The following PSMA1 variants were observed in gnomAD, a reference collection of about 807,000 sequenced individuals.
The protein encoded by PSMA1 is proteasome subunit alpha type-1.
PSMA1 carries 3 observed loss-of-function variants against 38.4 expected under a neutral mutation model. That is an observed-to-expected ratio of 0.08 (90% CI 0.04 to 0.20). PSMA1 has a LOEUF of 0.20. Ranked by LOEUF, PSMA1 falls within the 10% of genes least tolerant of loss-of-function variation. The pLI is 1.00. For synonymous variants in PSMA1, 101 were observed against 107.1 expected (o/e 0.94, Z 0.35); for missense variants, 227 against 325.3 (o/e 0.70, Z 2.32).
chr11:14,629,827 A>C (rs1022378481), intron 1 of PSMA1, among the ~76,000 whole-genome samples: 1 of 151,764 alleles, frequency 6.6e-6, no homozygotes, highest in African/African-American at 2.4e-5. Context: ...ATTTGTTTGT[A>C]TCCTCTTTTA....
intron 1 of PSMA1, among the ~76,000 whole-genome samples, chr11:14,638,558 TATATATATATATATATATATA>T (rs1853148336): frequency 8.5e-5 from 1 of 11,702 alleles, no homozygotes; most frequent in Non-Finnish European, 1.8e-4. Flanking sequence ...TATATATATA[TATATATATATATATATATATA>T]TATATATTTT....
intron 2 of PSMA1, among the ~76,000 whole-genome samples, chr11:14,605,750 T>C (rs1053270970): frequency 2.0e-5 from 3 of 152,262 alleles, no homozygotes; most frequent in African/African-American, 7.2e-5. Flanking sequence ...AAGTTCCACA[T>C]AGATTCTGGA....
At chr11:14,539,646 C>A (rs1478415495) in intron 2 of PSMA1, among the ~76,000 whole-genome samples, 2 of 151,916 alleles carry the variant, frequency 1.3e-5, no homozygotes, top group Non-Finnish European at 2.9e-5. Flanking sequence ...GAGATGGAGA[C>A]CATCCTGGCT....
chr11:14,595,568 T>C (rs1394401026), intron 2 of PSMA1, among the ~76,000 whole-genome samples: 1 of 152,258 alleles, frequency 6.6e-6, no homozygotes, highest in African/African-American at 2.4e-5. Flanking sequence ...GAAGTGTCTG[T>C]TCATATCCTT....
chr11:14,643,269 G>A (rs956507388), intron 1 of PSMA1, among the ~76,000 whole-genome samples: 4 of 151,910 alleles, frequency 2.6e-5, no homozygotes, highest in African/African-American at 9.7e-5. Context: ...GGTGGTGGCT[G>A]GCCCTAAACT....
chr11:14,592,806 T>A (rs1852439754), intron 2 of PSMA1, among the ~76,000 whole-genome samples: 1 of 152,224 alleles, frequency 6.6e-6, no homozygotes, highest in Admixed American at 6.5e-5. Context: ...AATGGATAAA[T>A]AATTCCAGTC....
At chr11:14,558,249 C>CAAAAAAAAAAA (rs35509045) in intron 2 of PSMA1, among the ~76,000 whole-genome samples, 7 of 78,052 alleles carry the variant, frequency 9.0e-5, no homozygotes, top group African/African-American at 2.0e-4. Flanking sequence ...CCCATCTGCA[C>CAAAAAAAAAAA]AAAAAAAAAA....
intron 9 of PSMA1, 40 bp downstream of exon 9, chr11:14,507,616 T>C (rs781710854): frequency 4.4e-6 from 6 of 1,357,954 alleles, no homozygotes; most frequent in Non-Finnish European, 5.2e-6. Flanking sequence ...GAACAGCAGC[T>C]TACAATAGAA....
chr11:14,507,417 C>T (rs554624084), intron 9 of PSMA1, among the ~76,000 whole-genome samples: 6 of 152,244 alleles, frequency 3.9e-5, no homozygotes, highest in South Asian at 2.1e-4. Flanking sequence ...TCACCCGCCT[C>T]GGCCTCCCAA....
In PSMA1 at chr11:14,638,567, ATATATATATATATATATATTTTTTTTTT is replaced by A. The variant is rs1483317991; in HGVS notation, c.-166+4860_-166+4887del. ...TCTCTATATATATATATATATATAT[ATATATATATATATATATATTTTTTTTTT>A]TTTTTTTTTTTTTTTTTTTTTGGTG... On this transcript the variant is annotated intron_variant, in intron 1 of 10. Coordinates refer to the PSMA1 transcript ENST00000418988. Among the ~76,000 whole-genome samples the A allele has an allele frequency of 1.3e-3, 18 of 14,366 alleles. 1 individual carries two copies. In the East Asian group the frequency reaches 0.016, roughly 13 times the overall value. 9.4% of individuals were successfully genotyped at this position (14,366 alleles called of 152,430 possible).
intron 2 of PSMA1, among the ~76,000 whole-genome samples, chr11:14,563,561 T>C (rs1285008931): frequency 6.6e-6 from 1 of 152,198 alleles, no homozygotes; most frequent in Non-Finnish European, 1.5e-5. Flanking sequence ...GACTAATTAT[T>C]TGAGGATTCA....
intron 2 of PSMA1, among the ~76,000 whole-genome samples, chr11:14,561,576 G>A (rs931399554): frequency 1.3e-5 from 2 of 152,064 alleles, no homozygotes; most frequent in Non-Finnish European, 2.9e-5. Context: ...AAATCTCTTT[G>A]TAGTCCTTCC....
At chr11:14,635,310 C>A (rs1853100283) in intron 1 of PSMA1, among the ~76,000 whole-genome samples, 1 of 152,146 alleles carries the variant, frequency 6.6e-6, no homozygotes, top group Non-Finnish European at 1.5e-5. Flanking sequence ...GCATTAAAAT[C>A]TTGAATTTAT....
chr11:14,577,704 G>A (rs544639996), intron 2 of PSMA1, among the ~76,000 whole-genome samples: 1 of 152,282 alleles, frequency 6.6e-6, no homozygotes, highest in African/African-American at 2.4e-5. Context: ...GGAAATTGAG[G>A]CAAAGGAGGT....
intron 2 of PSMA1, among the ~76,000 whole-genome samples, chr11:14,582,527 CTTTTTT>C (rs200183945): frequency 6.6e-6 from 1 of 151,178 alleles, no homozygotes; most frequent in Non-Finnish European, 1.5e-5. Context: ...TCTTCCTTTT[CTTTTTT>C]TTTGAGATGG....
chr11:14,574,365 G>T (rs570042042), intron 2 of PSMA1, among the ~76,000 whole-genome samples: 1 of 152,330 alleles, frequency 6.6e-6, no homozygotes, highest in South Asian at 2.1e-4. Flanking sequence ...AAGTTACCCA[G>T]GTACTTGGGC....
At chr11:14,506,523 C>G (rs1480613291) in intron 9 of PSMA1, among the ~76,000 whole-genome samples, 1 of 152,096 alleles carries the variant, frequency 6.6e-6, no homozygotes, top group Non-Finnish European at 1.5e-5. Context: ...TTCAATTACA[C>G]TGCTATCAAA....
At chr11:14,572,697 A>T (rs1313029870) in intron 2 of PSMA1, among the ~76,000 whole-genome samples, 1 of 152,176 alleles carries the variant, frequency 6.6e-6, no homozygotes, top group Admixed American at 6.5e-5. Flanking sequence ...AGACACAAAA[A>T]ACCCTTCAAA....
At chr11:14,545,317 T>C (rs1323804469) in intron 2 of PSMA1, among the ~76,000 whole-genome samples, 1 of 152,192 alleles carries the variant, frequency 6.6e-6, no homozygotes, top group Non-Finnish European at 1.5e-5. Flanking sequence ...TAAAATTTAA[T>C]TTAATTTAAG....
Sources: allele counts gnomAD v4.1 joint callset (sites outside exome capture counted in the v4.1 genomes callset), GRCh38; gene constraint gnomAD v4.1.1; transcripts MANE v1.5; gene names NCBI Gene and HGNC (gene_info 2026-07-23, HGNC 2026-07-21).